The following GMDS variants were observed in gnomAD, a reference collection of about 807,000 sequenced individuals.
GMDS encodes GDP-mannose 4,6 dehydratase.
Under a neutral mutation model 49.9 loss-of-function variants are expected in GMDS, and 20 were observed. The ratio of observed to expected loss-of-function variants is 0.40; its 90% confidence interval spans 0.28 to 0.58. The LOEUF is 0.58. Among genes scored for constraint, GMDS ranks in the 20% least tolerant of loss-of-function variants. The probability of loss-of-function intolerance (pLI) is 0.42; values close to 1 mark genes in which losing one functional copy is unlikely to be tolerated. For missense variants in GMDS, 362 were observed against 481.4 expected (o/e 0.75, Z 2.32); for synonymous variants, 177 against 178.6 (o/e 0.99, Z 0.07).
rs571885562 is a variant in GMDS at position 1,955,874 on chromosome 6, G to A, written c.643+3993C>T. On this transcript the variant is annotated intron_variant, in intron 6 of 10. Transcript: ENST00000380815. Reference sequence around the variant, plus strand: ...GCACGTGTCCAAGCTCAGGAGTTGTGGTTGTTGGACAAACTATGCTACATG... The same window carrying A: ...GCACGTGTCCAAGCTCAGGAGTTGTAGTTGTTGGACAAACTATGCTACATG... Among the ~76,000 whole-genome samples the A allele has an allele frequency of 2.0e-5, 3 of 152,226 alleles. No homozygotes were observed. The East Asian group carries it at 5.8e-4, about 29-fold the overall frequency.
chr6:1,624,699 CTCGGCGCCGTAAA>C, intron 9 of GMDS, 159 bp from the exon 10 acceptor site: 1 of 617,892 alleles, frequency 1.6e-6, no homozygotes, highest in East Asian at 2.8e-5. Context: ...AGTTGCGGCT[CTCGGCGCCGTAAA>C]TCACTAGGTC....
intron 4 of GMDS, among the ~76,000 whole-genome samples, chr6:2,038,566 T>C (rs998594928): frequency 4.2e-5 from 6 of 141,582 alleles, no homozygotes; most frequent in African/African-American, 1.3e-4. Flanking sequence ...AAAACAAATA[T>C]ATATTTTAAA....
At chr6:2,037,794 G>T (rs1425252927) in intron 4 of GMDS, among the ~76,000 whole-genome samples, 2 of 152,138 alleles carry the variant, frequency 1.3e-5, no homozygotes, top group Admixed American at 6.6e-5. Flanking sequence ...TCTCAAAGGT[G>T]TTGGCAACCT....
At chr6:1,819,083 G>A (rs369446218) in intron 7 of GMDS, among the ~76,000 whole-genome samples, 200 of 151,794 alleles carry the variant, frequency 1.3e-3, no homozygotes, top group Non-Finnish European at 2.4e-3. Context: ...CATACAAGAT[G>A]CTACTGACAG....
intron 1 of GMDS, among the ~76,000 whole-genome samples, chr6:2,125,124 A>T (rs1013017729): frequency 2.6e-5 from 4 of 152,128 alleles, no homozygotes; most frequent in Non-Finnish European, 5.9e-5. Flanking sequence ...AATCTTAGTA[A>T]TTCTGGGGGG....
intron 7 of GMDS, among the ~76,000 whole-genome samples, chr6:1,826,104 G>A (rs944793756): frequency 2.6e-5 from 4 of 152,210 alleles, no homozygotes; most frequent in Admixed American, 6.5e-5. Context: ...CTGGGTGAGT[G>A]AGTGAGTGAG....
At chr6:2,179,021 A>G (rs1778405072) in intron 1 of GMDS, among the ~76,000 whole-genome samples, 1 of 152,216 alleles carries the variant, frequency 6.6e-6, no homozygotes, top group Admixed American at 6.5e-5. Flanking sequence ...ATGTGGCATA[A>G]ACAGCGAATA....
chr6:1,760,946 T>C (rs1768133039), intron 7 of GMDS, among the ~76,000 whole-genome samples: 1 of 152,148 alleles, frequency 6.6e-6, no homozygotes, highest in Non-Finnish European at 1.5e-5. Flanking sequence ...GACTCTGCAA[T>C]GTCCTGGATC....
intron 7 of GMDS, among the ~76,000 whole-genome samples, chr6:1,745,184 C>CTAA (rs1767435880): frequency 6.6e-6 from 1 of 152,228 alleles, no homozygotes; most frequent in African/African-American, 2.4e-5. Context: ...ATAGGTCTTT[C>CTAA]AGGGCCACTC....
chr6:1,652,719 T>TATATATAGAGAG lies in GMDS; in HGVS notation c.988-28180_988-28179insCTCTCTATATAT, dbSNP rs1561701864. ...TATATTATATATATATATATATATA[T>TATATATAGAGAG]AGAGAGAGAGAGAGAGAGAGAGACA... On this transcript the variant is annotated intron_variant, in intron 9 of 10. Coordinates refer to ENST00000380815, the MANE Select transcript of GMDS (RefSeq NM_001500.4). Among the ~76,000 whole-genome samples, 2 of 11,090 alleles carry TATATATAGAGAG rather than the reference T, an allele frequency of 1.8e-4. 1 individual carries two copies. Among genetic ancestry groups the TATATATAGAGAG allele is most frequent in the Admixed American group, 3.5e-3 (2 of 574 alleles). The allele number at this position is 11,090 out of a possible 152,430, so 7.3% of individuals were successfully genotyped here.
intron 7 of GMDS, among the ~76,000 whole-genome samples, chr6:1,772,178 A>G (rs1444493275): frequency 6.6e-6 from 1 of 152,242 alleles, no homozygotes; most frequent in Admixed American, 6.5e-5. Context: ...GAAAATGAAG[A>G]AGGAGACAAT....
At chr6:1,714,167 A>C (rs748113207) in intron 9 of GMDS, among the ~76,000 whole-genome samples, 1 of 151,974 alleles carries the variant, frequency 6.6e-6, no homozygotes, top group Admixed American at 6.6e-5. Flanking sequence ...ACAGGCGCCC[A>C]CCACCACGCC....
chr6:1,915,680 G>A (rs961566797), intron 7 of GMDS, among the ~76,000 whole-genome samples: 5 of 152,202 alleles, frequency 3.3e-5, no homozygotes, highest in South Asian at 2.1e-4. Flanking sequence ...CACAAGGGTC[G>A]GCCGAATGAA....
chr6:1,892,749 TTCACAG>T (rs1759931022), intron 7 of GMDS, among the ~76,000 whole-genome samples: 1 of 152,224 alleles, frequency 6.6e-6, no homozygotes, highest in Non-Finnish European at 1.5e-5. Flanking sequence ...TGGCTTTAGG[TTCACAG>T]TGTTTGCAAA....
chr6:2,154,863 C>CAAAAAAAAAAAA (rs70992124), intron 1 of GMDS, among the ~76,000 whole-genome samples: 6 of 65,626 alleles, frequency 9.1e-5, no homozygotes, highest in African/African-American at 1.5e-4. Flanking sequence ...TGAAGAGATG[C>CAAAAAAAAAAAA]AAAAAAAAAA....
chr6:1,741,420 G>T (rs947036481), intron 8 of GMDS, among the ~76,000 whole-genome samples: 2 of 152,056 alleles, frequency 1.3e-5, no homozygotes, highest in African/African-American at 4.8e-5. Flanking sequence ...TCACAGGAGT[G>T]ATATCATTCA....
At chr6:1,665,625 C>T (rs1308595761) in intron 9 of GMDS, among the ~76,000 whole-genome samples, 1 of 152,176 alleles carries the variant, frequency 6.6e-6, no homozygotes, top group Non-Finnish European at 1.5e-5. Context: ...GAAGGCTTTG[C>T]TGTTGTTTTC....
chr6:1,651,332 C>T (rs142503385), intron 9 of GMDS, among the ~76,000 whole-genome samples: 16 of 152,310 alleles, frequency 1.1e-4, no homozygotes, highest in Admixed American at 2.0e-4. Flanking sequence ...TCACTAAGGC[C>T]CAGCATGGTG....
chr6:1,992,713 C>T (rs576766116), intron 4 of GMDS, among the ~76,000 whole-genome samples: 1 of 152,190 alleles, frequency 6.6e-6, no homozygotes, highest in East Asian at 1.9e-4. Flanking sequence ...AACTTGCTGG[C>T]CTGTTGGCTT....
Sources: allele counts gnomAD v4.1 joint callset (sites outside exome capture counted in the v4.1 genomes callset), GRCh38; gene constraint gnomAD v4.1.1; transcripts MANE v1.5; gene names NCBI Gene and HGNC (gene_info 2026-07-23, HGNC 2026-07-21).